The following CFAP46 variants were observed in gnomAD, a reference collection of about 807,000 sequenced individuals.
CFAP46 encodes the protein cilia and flagella associated protein 46.
In CFAP46, 245 loss-of-function variants were observed where a neutral mutation model predicts 325.7. The observed-to-expected ratio is 0.75, with a 90% confidence interval of 0.68 to 0.84. The LOEUF (loss-of-function observed/expected upper bound fraction) is 0.84, where lower values mean the gene tolerates loss of function less well. Ranked by LOEUF, CFAP46 falls within the 40% of genes least tolerant of loss-of-function variation. The pLI is 0.00. For synonymous variants in CFAP46, 1,523 were observed against 1,495.9 expected (o/e 1.02, Z -0.42); for missense variants, 3,346 against 3,543.0 (o/e 0.94, Z 1.41).
intron 35 of CFAP46, 123 bp from the exon 36 acceptor site, chr10:132,861,105 T>C: frequency 2.0e-6 from 2 of 978,218 alleles, no homozygotes; most frequent in Non-Finnish European, 3.0e-6. Flanking sequence ...ACGCACCAGG[T>C]GAGGGGAAGA....
chr10:132,895,079 T>C (rs529822576), intron 24 of CFAP46, among the ~76,000 whole-genome samples: 2 of 152,244 alleles, frequency 1.3e-5, no homozygotes, highest in East Asian at 3.9e-4. Context: ...GCAAATGAAA[T>C]CCAACAGCAT....
chr10:132,857,498 A>G (rs1848658834), intron 39 of CFAP46, 92 bp downstream of exon 39: 2 of 1,276,394 alleles, frequency 1.6e-6, no homozygotes, highest in African/African-American at 1.5e-5. Flanking sequence ...AGCTAGAAGC[A>G]GAAGTCAGCT....
chr10:132,931,742 A>C (rs1243107628), intron 8 of CFAP46, among the ~76,000 whole-genome samples: 22 of 79,776 alleles, frequency 2.8e-4, no homozygotes, highest in African/African-American at 5.1e-4. Flanking sequence ...GCCTCCCCAC[A>C]CTCCCCACGC....
intron 22 of CFAP46, among the ~76,000 whole-genome samples, chr10:132,902,229 G>A (rs1294195457): frequency 7.4e-6 from 1 of 134,254 alleles, no homozygotes; most frequent in Non-Finnish European, 1.6e-5. Context: ...TGAGACTCCA[G>A]TTACACTCAG....
intron 22 of CFAP46, among the ~76,000 whole-genome samples, chr10:132,901,761 C>G (rs1849394721): frequency 6.6e-6 from 1 of 152,244 alleles, no homozygotes; most frequent in Non-Finnish European, 1.5e-5. Context: ...ATGTCCTCTT[C>G]TGAGGATCTG....
At chr10:132,823,050 TGTGCTGTGA>T (rs1367496846) in intron 50 of CFAP46, among the ~76,000 whole-genome samples, 5 of 144,182 alleles carry the variant, frequency 3.5e-5, no homozygotes, top group East Asian at 2.1e-4. Flanking sequence ...ATGTGTGCTG[TGTGCTGTGA>T]GTGCTGATGT....
intron 56 of CFAP46, 109 bp from the exon 57 acceptor site, chr10:132,810,598 G>A (rs754181481): frequency 9.3e-6 from 9 of 969,096 alleles, no homozygotes; most frequent in Admixed American, 5.6e-5. Flanking sequence ...CCCATAAGAC[G>A]CTGGCCCGCA....
At chr10:132,899,788 G>A in intron 22 of CFAP46, 122 bp from the exon 23 acceptor site, 1 of 1,163,984 alleles carries the variant, frequency 8.6e-7, no homozygotes, top group Non-Finnish European at 1.2e-6. Context: ...GCACCTCCTG[G>A]CCCACAAGCA....
rs1312757697 is a variant in CFAP46 at position 132,919,093 on chromosome 10, T to G, written c.1858+222A>C. 3.3e-5 allele frequency among the ~76,000 whole-genome samples: 5 copies of G among 151,976 alleles called. No individual in the cohort carries two copies. Among genetic ancestry groups the G allele is most frequent in the Admixed American group, 2.6e-4 (4 of 15,280 alleles). ...AGGCCCCCAGTGACTGAAGATGGAGTGTGACGACGGTGCTCGTGGCTCGGC... is the reference window on the plus strand; with the variant it reads ...AGGCCCCCAGTGACTGAAGATGGAGGGTGACGACGGTGCTCGTGGCTCGGC... On this transcript the variant is annotated intron_variant, in intron 15 of 57. Transcript: ENST00000368586. This position sits in a 1 kb window ranked among gnomAD's most constrained non-coding sequence, Gnocchi z 9.7.
chr10:132,921,147 GACC>G (rs753809078), intron 13 of CFAP46, among the ~76,000 whole-genome samples: 7 of 151,790 alleles, frequency 4.6e-5, no homozygotes, highest in Non-Finnish European at 7.4e-5. Flanking sequence ...CTCCACTCCC[GACC>G]ACCATCTCCA....
rs1476921816 is a variant in CFAP46 at position 132,808,508 on chromosome 10, C to T, written c.8061G>A (p.Gln2687=). 2.5e-6 allele frequency: 4 copies of T among 1,613,130 alleles called. No individual in the cohort carries two copies. Among genetic ancestry groups the T allele is most frequent in the African/African-American group, 2.7e-5 (2 of 74,938 alleles). ...CCGCCAAGGGGAGGCCGCCCTTGTC[C>T]TGGCCCCGGGAAGAGACGCAGCTCC... ...RGWSCVSSRG[Q]DKGGLPLAAL... Residue 2687 remains glutamine (Q), a synonymous_variant, in exon 58 of 58, where the codon CAG becomes CAA. Transcript: ENST00000368586. This position sits in a 1 kb window ranked among gnomAD's most constrained non-coding sequence, Gnocchi z 6.8.
At chr10:132,872,093 T>C (rs939975956) in intron 32 of CFAP46, among the ~76,000 whole-genome samples, 1 of 152,224 alleles carries the variant, frequency 6.6e-6, no homozygotes, top group African/African-American at 2.4e-5. Context: ...AACTTTTATA[T>C]ACTCTGGAAA....
chr10:132,824,045 T>C (rs1157266572), intron 50 of CFAP46, among the ~76,000 whole-genome samples: 3 of 121,232 alleles, frequency 2.5e-5, no homozygotes, highest in Non-Finnish European at 5.1e-5. Context: ...TGTGTGCTGA[T>C]GTGTGCTGTG....
chr10:132,887,083 TTC>T (rs1849144184), intron 25 of CFAP46, among the ~76,000 whole-genome samples: 1 of 135,518 alleles, frequency 7.4e-6, no homozygotes, highest in African/African-American at 3.1e-5. Flanking sequence ...CCTCTCTCAC[TTC>T]TCTCTCTCCT....
At position 132,922,633 on chromosome 10, in the gene CFAP46, G is replaced by A. The variant is rs556187299; in HGVS notation, c.1332C>T (p.Pro444=). 323 of 1,549,810 alleles carry A rather than the reference G, an allele frequency of 2.1e-4. No homozygotes were observed. The highest frequency in any genetic ancestry group is 2.6e-4 in the Non-Finnish European group (293 of 1,146,832). ...CGGCTTTCCGGAGGTGCTCCGTGGCGGGCTCCAGCCGGTCCTCGTCCTCCT... is the reference window on the plus strand; with the variant it reads ...CGGCTTTCCGGAGGTGCTCCGTGGCAGGCTCCAGCCGGTCCTCGTCCTCCT... ...QIEEDEDRLE[P]ATEHLRKAAR... Residue 444 remains proline (P), a synonymous_variant, in exon 12 of 58, where the codon CCC becomes CCT. Coordinates refer to ENST00000368586, the MANE Select transcript of CFAP46 (RefSeq NM_001200049.3).
intron 44 of CFAP46, among the ~76,000 whole-genome samples, chr10:132,843,198 G>A (rs1848371631): frequency 1.3e-5 from 2 of 152,230 alleles, no homozygotes; most frequent in Admixed American, 6.5e-5. Flanking sequence ...AGGACACTAT[G>A]TCCTGGAGGC....
At chr10:132,917,824 G>A (rs557321310) in intron 16 of CFAP46, among the ~76,000 whole-genome samples, 1 of 152,218 alleles carries the variant, frequency 6.6e-6, no homozygotes, top group African/African-American at 2.4e-5. Context: ...CAGGTTGTGT[G>A]GATGCAGGAA....
At chr10:132,929,391 C>G (rs1849856791) in intron 9 of CFAP46, 1 of 661,318 alleles carries the variant, frequency 1.5e-6, no homozygotes, top group Admixed American at 2.2e-5. Context: ...AATAATGGGA[C>G]TGGTGGAGGA....
rs145651792 is a variant in CFAP46, at chr10:132,901,242, T to G, written c.2925-1576A>C. Among the ~76,000 whole-genome samples the G allele has an allele frequency of 2.8e-3, 430 of 152,372 alleles. 1 individual carries two copies. Among genetic ancestry groups the G allele is most frequent in the African/African-American group, 9.6e-3 (398 of 41,586 alleles). ...TGCTCCTATGTTCTGTGAGATAAAC[T>G]GCATTTTAACTGCAGTGTTGGTTCG... is the stretch of plus-strand genomic sequence containing the variant. On this transcript the variant is annotated intron_variant, in intron 22 of 57. Coordinates refer to ENST00000368586, the MANE Select transcript of CFAP46 (RefSeq NM_001200049.3).
Sources: allele counts gnomAD v4.1 joint callset (sites outside exome capture counted in the v4.1 genomes callset), GRCh38; gene constraint gnomAD v4.1.1; non-coding constraint Gnocchi (gnomAD v3.1); transcripts MANE v1.5; gene names NCBI Gene and HGNC (gene_info 2026-07-23, HGNC 2026-07-21).